CACNA2D3: variants seen among roughly 807,000 people sequenced by gnomAD.
CACNA2D3 encodes the protein voltage-dependent calcium channel subunit alpha-2/delta-3.
CACNA2D3 carries 60 observed loss-of-function variants against 160.6 expected under a neutral mutation model. The observed-to-expected ratio is 0.37, with a 90% CI of 0.30 to 0.46. The LOEUF is 0.46. CACNA2D3 is among the 20% of genes least tolerant of loss of function. CACNA2D3 has a pLI of 1.00. For synonymous variants in CACNA2D3, 558 were observed against 492.9 expected, an observed-to-expected ratio of 1.13 and a Z score of -1.75; for missense variants, 1,205 against 1,365.0, an observed-to-expected ratio of 0.88 and a Z score of 1.85.
intron 4 of CACNA2D3, among the ~76,000 whole-genome samples, chr3:54,436,392 C>T (rs1027417711): frequency 1.3e-5 from 2 of 152,070 alleles, no homozygotes; most frequent in East Asian, 3.8e-4. Flanking sequence ...GATCTAGAAC[C>T]AGAAATACCA....
intron 35 of CACNA2D3, among the ~76,000 whole-genome samples, chr3:55,036,089 A>G (rs1278078997): frequency 6.6e-6 from 1 of 152,196 alleles, no homozygotes; most frequent in Non-Finnish European, 1.5e-5. Context: ...TGACTGTGCC[A>G]AGGGCACCTG....
intron 2 of CACNA2D3, among the ~76,000 whole-genome samples, chr3:54,154,826 C>T (rs1168535047): frequency 7.2e-5 from 11 of 152,170 alleles, no homozygotes; most frequent in African/African-American, 2.4e-4. Flanking sequence ...CTGCCAGCTG[C>T]GATTGCCTCT....
At chr3:54,642,355 G>T in intron 11 of CACNA2D3, 114 bp downstream of exon 11, 1 of 543,238 alleles carries the variant, frequency 1.8e-6, no homozygotes, top group Non-Finnish European at 3.1e-6. Context: ...AATGATCTGT[G>T]GTTTCTCAGC....
At chr3:54,287,130 G>A (rs1483389347) in intron 2 of CACNA2D3, among the ~76,000 whole-genome samples, 1 of 151,852 alleles carries the variant, frequency 6.6e-6, no homozygotes, top group African/African-American at 2.4e-5. Context: ...GACACAGACT[G>A]GCAAATTGGA....
At chr3:54,968,353 A>T in intron 27 of CACNA2D3, 97 bp from the exon 28 acceptor site, 1 of 777,326 alleles carries the variant, frequency 1.3e-6, no homozygotes, top group South Asian at 1.5e-5. Context: ...ATATGCTTAT[A>T]TCAGCTTCTT....
chr3:54,926,505 T>TAC (rs36205023), intron 27 of CACNA2D3, among the ~76,000 whole-genome samples: 15,654 of 143,176 alleles, frequency 0.11, 1,007 homozygotes, highest in Non-Finnish European at 0.16. Flanking sequence ...GCCTGTCAAA[T>TAC]ACACACACAC....
At chr3:54,476,987 A>T (rs17054047) in intron 4 of CACNA2D3, among the ~76,000 whole-genome samples, 1,925 of 152,282 alleles carry the variant, frequency 0.013, 37 homozygotes, top group African/African-American at 0.045. Context: ...TGGTAGTTTC[A>T]TGGCTGGATA....
chr3:54,374,987 T>C (rs763365449), intron 3 of CACNA2D3, among the ~76,000 whole-genome samples: 2 of 152,162 alleles, frequency 1.3e-5, no homozygotes, highest in Non-Finnish European at 2.9e-5. Context: ...GCCAAGCCAC[T>C]CATGATTGCC....
chr3:54,745,426 G>A (rs1701736752), intron 11 of CACNA2D3, among the ~76,000 whole-genome samples: 1 of 152,172 alleles, frequency 6.6e-6, no homozygotes, highest in African/African-American at 2.4e-5. Flanking sequence ...TGCACTTGCA[G>A]GCCAGTTGCT....
intron 5 of CACNA2D3, among the ~76,000 whole-genome samples, chr3:54,517,573 A>G (rs1355728798): frequency 6.6e-6 from 1 of 152,218 alleles, no homozygotes; most frequent in African/African-American, 2.4e-5. Context: ...AACACTGAGT[A>G]TCACCCAGGT....
At chr3:54,422,551 G>C (rs1699853603) in intron 4 of CACNA2D3, among the ~76,000 whole-genome samples, 1 of 152,166 alleles carries the variant, frequency 6.6e-6, no homozygotes, top group Non-Finnish European at 1.5e-5. Flanking sequence ...TACGAAGAGT[G>C]AGTTGACAGG....
intron 11 of CACNA2D3, among the ~76,000 whole-genome samples, chr3:54,705,765 C>T (rs900066191): frequency 6.6e-6 from 1 of 152,136 alleles, no homozygotes; most frequent in African/African-American, 2.4e-5. Context: ...GTATAAGTTG[C>T]TTCAAATAAT....
At chr3:54,149,508 G>T (rs1700100286) in intron 2 of CACNA2D3, among the ~76,000 whole-genome samples, 2 of 152,162 alleles carry the variant, frequency 1.3e-5, no homozygotes, top group African/African-American at 2.4e-5. Context: ...TCGGAGTGAG[G>T]CGTAGATGAG....
intron 31 of CACNA2D3, among the ~76,000 whole-genome samples, chr3:55,000,383 A>C (rs1278894425): frequency 6.6e-6 from 1 of 152,136 alleles, no homozygotes; most frequent in Non-Finnish European, 1.5e-5. Context: ...AGTATCAGGA[A>C]AGCCTCCTTT....
At chr3:54,925,154 G>T (rs768755844) in intron 27 of CACNA2D3, 1 of 1,614,120 alleles carries the variant, frequency 6.2e-7, no homozygotes, top group Non-Finnish European at 8.5e-7. Flanking sequence ...AGTAACACTT[G>T]TCCGGGCAGC....
At chr3:54,519,348 C>T (rs1320401583) in intron 5 of CACNA2D3, among the ~76,000 whole-genome samples, 1 of 152,198 alleles carries the variant, frequency 6.6e-6, no homozygotes, top group Non-Finnish European at 1.5e-5. Flanking sequence ...GAACTGCCTT[C>T]CAGCCCAAAT....
At chr3:54,858,335 C>T (rs1012308149) in intron 17 of CACNA2D3, among the ~76,000 whole-genome samples, 2 of 152,130 alleles carry the variant, frequency 1.3e-5, no homozygotes, top group South Asian at 4.2e-4. Context: ...TGATCAATTG[C>T]TTTTCTCCAT....
intron 2 of CACNA2D3, among the ~76,000 whole-genome samples, chr3:54,206,381 T>A (rs1646052451): frequency 6.6e-6 from 1 of 152,104 alleles, no homozygotes; most frequent in African/African-American, 2.4e-5. Flanking sequence ...CTCAGATTAT[T>A]ATGAGGTTAG....
intron 25 of CACNA2D3, among the ~76,000 whole-genome samples, chr3:54,895,905 A>G (rs1344515694): frequency 6.6e-6 from 1 of 152,192 alleles, no homozygotes; most frequent in African/African-American, 2.4e-5. Flanking sequence ...ACAAATGTGA[A>G]CAAATCTCCT....
Sources: allele counts gnomAD v4.1 joint callset (sites outside exome capture counted in the v4.1 genomes callset), GRCh38; gene constraint gnomAD v4.1.1; transcripts MANE v1.5; gene names NCBI Gene and HGNC (gene_info 2026-07-23, HGNC 2026-07-21).